Variants in NDUFB3 observed in about 807,000 individuals in gnomAD.
The protein encoded by NDUFB3 is NADH:ubiquinone oxidoreductase subunit B3.
Under a neutral mutation model 9.0 loss-of-function variants are expected in NDUFB3, and 7 were observed. The observed-to-expected ratio is 0.78, with a 90% confidence interval of 0.44 to 1.46. The LOEUF (loss-of-function observed/expected upper bound fraction) is 1.46. Ranked by LOEUF, NDUFB3 falls within the 40% of genes most tolerant of loss-of-function variation. The pLI, the probability that NDUFB3 is intolerant of heterozygous loss-of-function variation, is 0.01. For synonymous variants in NDUFB3, 29 were observed against 38.5 expected, an observed-to-expected ratio of 0.75 and a Z score of 0.91; for missense variants, 93 against 115.4, an observed-to-expected ratio of 0.81 and a Z score of 0.89.
At chr2:201,076,659 G>A (rs376507863) in intron 1 of NDUFB3, among the ~76,000 whole-genome samples, 17 of 151,176 alleles carry the variant, frequency 1.1e-4, no homozygotes, top group African/African-American at 3.2e-4. Flanking sequence ...TCACTCTGTC[G>A]CCCAGGCTGG....
chr2:201,073,030 G>A (rs1266503720), intron 1 of NDUFB3, among the ~76,000 whole-genome samples: 1 of 151,990 alleles, frequency 6.6e-6, no homozygotes, highest in Non-Finnish European at 1.5e-5. Context: ...CATGGCGGGG[G>A]GTGTGATTAG....
intron 2 of NDUFB3, among the ~76,000 whole-genome samples, chr2:201,082,699 CTTT>C (rs1170018569): frequency 1.0e-5 from 1 of 100,416 alleles, no homozygotes. Flanking sequence ...GCTAAATTCA[CTTT>C]TTTTTTTTTT....
intron 2 of NDUFB3, among the ~76,000 whole-genome samples, chr2:201,081,549 A>G (rs1575545886): frequency 6.6e-6 from 1 of 151,700 alleles, no homozygotes; most frequent in African/African-American, 2.4e-5. Context: ...TCAATGGGCA[A>G]TTTAGGTCTT....
At chr2:201,083,819 A>T (rs1031133090) in intron 2 of NDUFB3, among the ~76,000 whole-genome samples, 1 of 152,184 alleles carries the variant, frequency 6.6e-6, no homozygotes, top group African/African-American at 2.4e-5. Flanking sequence ...ATGATGTATT[A>T]CCATTTTTAT....
At chr2:201,079,083 T>C in intron 2 of NDUFB3, 61 bp downstream of exon 2, 1 of 1,511,188 alleles carries the variant, frequency 6.6e-7, no homozygotes. Context: ...TCTATGTTGC[T>C]TTTCAATGTA....
At chr2:201,083,792 G>A (rs532804680) in intron 2 of NDUFB3, among the ~76,000 whole-genome samples, 1 of 152,296 alleles carries the variant, frequency 6.6e-6, no homozygotes, top group Admixed American at 6.5e-5. Context: ...CATTCCTGGA[G>A]TGAACCCTAC....
intron 1 of NDUFB3, among the ~76,000 whole-genome samples, chr2:201,073,060 G>A (rs1277380267): frequency 2.0e-5 from 3 of 152,084 alleles, no homozygotes; most frequent in Non-Finnish European, 2.9e-5. Flanking sequence ...GTCTAGAAAG[G>A]TTCCTTACAG....
At position 201,075,471 on chromosome 2, in the gene NDUFB3, CAGG is replaced by C. The variant is rs1398297112; in HGVS notation, c.-2-3407_-2-3405del. 4.1e-5 allele frequency among the ~76,000 whole-genome samples: 6 copies of C among 145,640 alleles called. No homozygotes were observed. In the East Asian group the frequency reaches 1.2e-3, roughly 29 times the overall value. On this transcript the variant is annotated intron_variant, in intron 1 of 2. Coordinates refer to ENST00000237889, the MANE Select transcript of NDUFB3 (RefSeq NM_002491.3). ...GTCCCAGCTACTCGGGAGGCTGAGGCAGGAGAATTGCTTGAACCTGGGAGTCAC... is the reference window on the plus strand; with the variant it reads ...GTCCCAGCTACTCGGGAGGCTGAGGCAGAATTGCTTGAACCTGGGAGTCAC...
At chr2:201,085,372 T>C in intron 2 of NDUFB3, 87 bp from the exon 3 acceptor site, 2 of 1,036,428 alleles carry the variant, frequency 1.9e-6, no homozygotes, top group Non-Finnish European at 2.7e-6. Context: ...AGCATTTAAG[T>C]CAATTAGAAA....
intron 1 of NDUFB3, among the ~76,000 whole-genome samples, chr2:201,077,714 CAGTT>C (rs1055897031): frequency 5.1e-4 from 77 of 152,184 alleles, no homozygotes; most frequent in African/African-American, 1.7e-3. Context: ...AATTTGTAGT[CAGTT>C]ACTTACTACA....
At chr2:201,079,082 C>T (rs2047197318) in intron 2 of NDUFB3, 60 bp downstream of exon 2, 2 of 1,506,170 alleles carry the variant, frequency 1.3e-6, no homozygotes, top group South Asian at 1.3e-5. Context: ...GTCTATGTTG[C>T]TTTTCAATGT....
Sources: gnomAD v4.1 joint callset for allele counts (sites outside exome capture counted in the v4.1 genomes callset) on GRCh38, gnomAD v4.1.1 for gene constraint, MANE v1.5 for transcripts, NCBI Gene and HGNC (gene_info 2026-07-23, HGNC 2026-07-21) for gene names.